The following NOTCH2NLR variants were observed in gnomAD, a reference collection of about 807,000 sequenced individuals.
The protein encoded by NOTCH2NLR is notch 2 N-terminal like R (pseudogene).
In NOTCH2NLR, 33 loss-of-function variants were observed where a neutral mutation model predicts 35.6. The ratio of observed to expected loss-of-function variants is 0.93; its 90% confidence interval spans 0.70 to 1.24. The LOEUF is 1.24. Among genes scored for constraint, NOTCH2NLR ranks in the 50% most tolerant of loss-of-function variants. NOTCH2NLR has a pLI of 0.00. For missense variants in NOTCH2NLR, 276 were observed against 362.2 expected (o/e 0.76, Z 1.93); for synonymous variants, 103 against 141.0 (o/e 0.73, Z 1.91).
In NOTCH2NLR at chr1:120,762,520, G is replaced by T. The variant is rs1651145442; in HGVS notation, c.74-1108G>T. 1.7e-5 allele frequency among the ~76,000 whole-genome samples: 2 copies of T among 115,050 alleles called. 1 individual carries two copies. The highest frequency in any genetic ancestry group is 3.4e-5 in the Non-Finnish European group (2 of 58,520). 75.5% of individuals were successfully genotyped at this position (115,050 alleles called of 152,430 possible). ...AGAGTGGTGTGGTTAGAGGAAACTT[G>T]GAGGGGGGAACTTCTCAGTTTTGCT... On this transcript the variant is annotated intron_variant, in intron 1 of 4. Transcript: ENST00000624419.
intron 1 of NOTCH2NLR, among the ~76,000 whole-genome samples, chr1:120,726,067 G>A (rs1419130938): frequency 1.9e-5 from 2 of 103,396 alleles, no homozygotes; most frequent in African/African-American, 6.4e-5. Context: ...TAATAAATAT[G>A]ATTGTAAAGT....
intron 1 of NOTCH2NLR, among the ~76,000 whole-genome samples, chr1:120,737,753 C>T (rs1167965485): frequency 8.0e-6 from 1 of 125,366 alleles, no homozygotes; most frequent in Non-Finnish European, 1.6e-5. Context: ...TTGGATTAGC[C>T]TGGACTGGTG....
chr1:120,765,364 G>A (rs1651179780), intron 2 of NOTCH2NLR, among the ~76,000 whole-genome samples: 2 of 60,426 alleles, frequency 3.3e-5, no homozygotes, highest in South Asian at 1.0e-3. Context: ...GTCATTTGTT[G>A]ATGTGTTTCT....
At chr1:120,770,625 C>G (rs1161216913) in intron 2 of NOTCH2NLR, among the ~76,000 whole-genome samples, 2 of 121,100 alleles carry the variant, frequency 1.7e-5, no homozygotes, top group African/African-American at 9.2e-5. Flanking sequence ...TACTTTAGTC[C>G]TCATGTGAGA....
chr1:120,734,434 A>G (rs1650894072), intron 1 of NOTCH2NLR, among the ~76,000 whole-genome samples: 1 of 87,086 alleles, frequency 1.1e-5, no homozygotes, highest in Admixed American at 1.1e-4. Flanking sequence ...GGTGTAGTTC[A>G]GAAAACGCCA....
chr1:120,790,656 G>A lies in NOTCH2NLR; in HGVS notation c.416-2505G>A, dbSNP rs1487503930. On this transcript the variant is annotated intron_variant, in intron 3 of 4. Transcript: ENST00000624419. ...TCTTCTCACTCTGTTGCTTAGTACA[G>A]TGGCGCAGTCTCGGCTCACTGCAAC... is the stretch of plus-strand genomic sequence containing the variant. 1.4e-3 allele frequency among the ~76,000 whole-genome samples: 151 copies of A among 106,010 alleles called. 27 individuals carry two copies. Among genetic ancestry groups the A allele is most frequent in the Non-Finnish European group, 2.0e-3 (114 of 57,450 alleles). The allele number at this position is 106,010 out of a possible 152,430, so 69.5% of individuals were successfully genotyped here.
In NOTCH2NLR at chr1:120,763,629, A is replaced by G. The variant is rs1651156839; in HGVS notation, c.75A>G (p.Ala25=). The change falls in exon 2 of 5, where the codon GCA becomes GCG. Residue 25 remains alanine, a splice_region_variant and synonymous_variant. Coordinates refer to ENST00000624419, the Ensembl canonical transcript of NOTCH2NLR. ...ATGTGCATTTGTTTTTATTTTTAGC[A>G]TTGCAGTGTCGAGATGGCTATGAAC... 3.7e-6 allele frequency: 5 copies of G among 1,366,156 alleles called. 1 individual carries two copies. In the Admixed American group the frequency reaches 1.0e-4, roughly 27 times the overall value. The allele number at this position is 1,366,156 out of a possible 1,614,324, so 84.6% of individuals were successfully genotyped here. A position where few individuals can be genotyped will look rare whatever the true frequency, so the allele number is the denominator to read the frequency against.
At chr1:120,781,848 G>T (rs1318327496) in intron 2 of NOTCH2NLR, among the ~76,000 whole-genome samples, 2 of 117,486 alleles carry the variant, frequency 1.7e-5, no homozygotes, top group Admixed American at 1.6e-4. Context: ...GTGAGCCACC[G>T]CACCTGGCTT....
downstream of NOTCH2NLR, among the ~76,000 whole-genome samples, chr1:120,794,305 C>G (rs1410073585): frequency 9.2e-5 from 10 of 108,740 alleles, 1 homozygote; most frequent in Admixed American, 6.3e-4. Context: ...CCAATTCATT[C>G]AACTCCTTAT....
At position 120,728,604 on chromosome 1, in the gene NOTCH2NLR, A is replaced by G; in HGVS notation, c.73+4354A>G. On this transcript the variant is annotated intron_variant, in intron 1 of 4. Transcript: ENST00000624419. ...TGTATTACTGTATTACTAGGCCAGC[A>G]ATTTCTGTTATTTTGTCCAGAATAG... is the stretch of plus-strand genomic sequence containing the variant. Among the ~76,000 whole-genome samples the G allele has an allele frequency of 1.7e-5, 2 of 117,452 alleles. 1 individual carries two copies. The highest frequency in any genetic ancestry group is 4.2e-4 in the East Asian group (2 of 4,778). The allele number at this position is 117,452 out of a possible 152,430, so 77.1% of individuals were successfully genotyped here. A position where few individuals can be genotyped will look rare whatever the true frequency, so the allele number is the denominator to read the frequency against.
At chr1:120,793,613 G>A (rs2101473347) in intron 4 of NOTCH2NLR, 117 bp downstream of exon 4, 1 of 763,022 alleles carries the variant, frequency 1.3e-6, no homozygotes, top group Non-Finnish European at 2.1e-6. Context: ...TGAGAATTTT[G>A]TGTGGGGTGG....
chr1:120,778,597 C>T (rs1269572267), intron 2 of NOTCH2NLR, among the ~76,000 whole-genome samples: 2 of 23,024 alleles, frequency 8.7e-5, no homozygotes, highest in Non-Finnish European at 1.4e-4. Flanking sequence ...TTTGAATGGC[C>T]AAATCCTCGT....
intron 2 of NOTCH2NLR, among the ~76,000 whole-genome samples, chr1:120,780,003 A>G (rs1325444133): frequency 7.6e-6 from 1 of 131,760 alleles, no homozygotes; most frequent in African/African-American, 3.2e-5. Flanking sequence ...GATGACTATT[A>G]GGTTGATTTG....
rs1403425227 is a variant in NOTCH2NLR, at chr1:120,789,962, T to C, written c.416-3199T>C. 3.5e-3 allele frequency among the ~76,000 whole-genome samples: 313 copies of C among 88,284 alleles called. 70 individuals are homozygous for C. The highest frequency in any genetic ancestry group is 7.9e-3 in the Admixed American group (72 of 9,158). The allele number at this position is 88,284 out of a possible 152,430, so 57.9% of individuals were successfully genotyped here. A position where few individuals can be genotyped will look rare whatever the true frequency, so the allele number is the denominator to read the frequency against. On this transcript the variant is annotated intron_variant, in intron 3 of 4. Coordinates refer to ENST00000624419, the Ensembl canonical transcript of NOTCH2NLR. Reference sequence around the variant, plus strand: ...GTCCCAAATTAAAACTTCTTCCTTGTTGTTAAGAAGGATCTCTTCTTGGTG... The same window carrying C: ...GTCCCAAATTAAAACTTCTTCCTTGCTGTTAAGAAGGATCTCTTCTTGGTG...
chr1:120,758,234 A>T lies in NOTCH2NLR; in HGVS notation c.74-5394A>T, dbSNP rs1328718383. 3.3e-5 allele frequency among the ~76,000 whole-genome samples: 4 copies of T among 121,178 alleles called. 2 individuals carry two copies. Among genetic ancestry groups the T allele is most frequent in the African/African-American group, 1.7e-4 (4 of 23,794 alleles). The allele number at this position is 121,178 out of a possible 152,430, so 79.5% of individuals were successfully genotyped here. A position where few individuals can be genotyped will look rare whatever the true frequency, so the allele number is the denominator to read the frequency against. ...CTCTGATCTGGAAGGCCAGCATGGG[A>T]GCCTAGACTGGTTAAAGTAAGAAAT... On this transcript the variant is annotated intron_variant, in intron 1 of 4. Transcript: ENST00000624419.
In NOTCH2NLR at chr1:120,759,702, T is replaced by A. The variant is rs1268071525; in HGVS notation, c.74-3926T>A. Among the ~76,000 whole-genome samples the A allele has an allele frequency of 1.1e-4, 12 of 112,198 alleles. 3 individuals carry two copies. Among genetic ancestry groups the A allele is most frequent in the African/African-American group, 5.5e-4 (10 of 18,214 alleles). The allele number at this position is 112,198 out of a possible 152,430, so 73.6% of individuals were successfully genotyped here. On this transcript the variant is annotated intron_variant, in intron 1 of 4. Transcript: ENST00000624419. ...AGTCTCAAGATTATTTTTCTTTTTT[T>A]AAAAATTAGAATTGTCAATTTATAG...
chr1:120,763,716 T>A lies in NOTCH2NLR; in HGVS notation c.155+7T>A. 9 of 1,244,176 alleles carry A rather than the reference T, an allele frequency of 7.2e-6. 2 individuals carry two copies. Among genetic ancestry groups the A allele is most frequent in the Non-Finnish European group, 1.0e-5 (9 of 901,934 alleles). The allele number at this position is 1,244,176 out of a possible 1,614,324, so 77.1% of individuals were successfully genotyped here. A position where few individuals can be genotyped will look rare whatever the true frequency, so the allele number is the denominator to read the frequency against. ...GTGGCACAGGATACTGCAAGTAAGT[T>A]TTTCTCTTCATATATTTTCTTTTTG... is the stretch of plus-strand genomic sequence containing the variant. On this transcript the variant is annotated splice_region_variant and intron_variant, in intron 2 of 4. Transcript: ENST00000624419.
chr1:120,778,168 T>G, intron 2 of NOTCH2NLR, among the ~76,000 whole-genome samples: 1 of 81,890 alleles, frequency 1.2e-5, no homozygotes, highest in East Asian at 2.9e-4. Context: ...CCTTTCAAAC[T>G]GCAGACCTTT....
rs1189272610 is a variant in NOTCH2NLR, at chr1:120,790,535, CCTTTCTTTCTTTCTTTCTTT to C, written c.416-2587_416-2568del. 1.7e-4 allele frequency among the ~76,000 whole-genome samples: 13 copies of C among 76,714 alleles called. 1 individual carries two copies. The highest frequency in any genetic ancestry group is 1.6e-3 in the South Asian group (4 of 2,560). 50.3% of individuals were successfully genotyped at this position (76,714 alleles called of 152,430 possible). A position where few individuals can be genotyped will look rare whatever the true frequency, so the allele number is the denominator to read the frequency against. ...TTGATTCTTTCTTTCTTTCTCCCTC[CCTTTCTTTCTTTCTTTCTTT>C]CTTTCTTTCTTTCTTTCTTTCTTTC... On this transcript the variant is annotated intron_variant, in intron 3 of 4. Transcript: ENST00000624419.
Sources: allele counts gnomAD v4.1 joint callset (sites outside exome capture counted in the v4.1 genomes callset), GRCh38; gene constraint gnomAD v4.1.1; transcripts MANE v1.5; gene names NCBI Gene and HGNC (gene_info 2026-07-23, HGNC 2026-07-21).